The following GRIK2 variants were observed in gnomAD, a reference collection of about 807,000 sequenced individuals.
GRIK2 encodes glutamate receptor ionotropic, kainate 2.
GRIK2 carries 32 observed loss-of-function variants against 100.3 expected under a neutral mutation model. That is an observed-to-expected ratio of 0.32 (90% CI 0.24 to 0.43). The LOEUF (loss-of-function observed/expected upper bound fraction) is 0.43. GRIK2 is among the 20% of genes least tolerant of loss of function. The probability of loss-of-function intolerance (pLI) is 1.00; values close to 1 mark genes in which losing one functional copy is unlikely to be tolerated. For missense variants in GRIK2, 843 were observed against 1,114.9 expected, an observed-to-expected ratio of 0.76 and a Z score of 3.47; for synonymous variants, 417 against 389.4, an observed-to-expected ratio of 1.07 and a Z score of -0.83.
chr6:101,702,231 G>C (rs1772951953), intron 7 of GRIK2, among the ~76,000 whole-genome samples: 1 of 151,870 alleles, frequency 6.6e-6, no homozygotes, highest in Non-Finnish European at 1.5e-5. Flanking sequence ...CTTTATTCTT[G>C]TTTCACTTAA....
chr6:101,904,417 T>G (rs561271933), intron 12 of GRIK2, among the ~76,000 whole-genome samples: 3 of 151,588 alleles, frequency 2.0e-5, no homozygotes, highest in South Asian at 2.1e-4. Context: ...TTTTAATATC[T>G]TCTTTTAAGA....
intron 2 of GRIK2, among the ~76,000 whole-genome samples, chr6:101,443,627 ATAT>A (rs1465412102): frequency 6.6e-6 from 1 of 152,080 alleles, no homozygotes; most frequent in Non-Finnish European, 1.5e-5. Flanking sequence ...GAAATGATTA[ATAT>A]TATTATATAT....
At chr6:101,487,157 A>G (rs1159059541) in intron 2 of GRIK2, among the ~76,000 whole-genome samples, 2 of 146,680 alleles carry the variant, frequency 1.4e-5, no homozygotes, top group African/African-American at 2.6e-5. Context: ...ATGTTTAGTA[A>G]TAAGTAATGC....
chr6:101,537,051 G>T (rs1412116425), intron 2 of GRIK2, among the ~76,000 whole-genome samples: 1 of 151,698 alleles, frequency 6.6e-6, no homozygotes, highest in African/African-American at 2.4e-5. Context: ...GTTTTCTGGA[G>T]TAATGTTTAG....
At chr6:101,830,528 T>C (rs1782610717) in intron 10 of GRIK2, among the ~76,000 whole-genome samples, 1 of 151,492 alleles carries the variant, frequency 6.6e-6, no homozygotes, top group Non-Finnish European at 1.5e-5. Flanking sequence ...AAAGGAAATA[T>C]CCCCATTAAA....
At chr6:101,850,675 A>G (rs1784080586) in intron 10 of GRIK2, among the ~76,000 whole-genome samples, 1 of 152,052 alleles carries the variant, frequency 6.6e-6, no homozygotes, top group African/African-American at 2.4e-5. Flanking sequence ...TCTAATGCAG[A>G]TAAAAATATA....
chr6:101,680,539 T>A (rs534217573), intron 5 of GRIK2, among the ~76,000 whole-genome samples: 5 of 152,110 alleles, frequency 3.3e-5, no homozygotes, highest in Non-Finnish European at 7.4e-5. Context: ...ACTTCTAGGG[T>A]TTTTATGAGG....
At chr6:101,468,799 G>C (rs1417279180) in intron 2 of GRIK2, among the ~76,000 whole-genome samples, 1 of 152,064 alleles carries the variant, frequency 6.6e-6, no homozygotes, top group African/African-American at 2.4e-5. Flanking sequence ...CTAATCAAGA[G>C]AGAAAACTTC....
chr6:101,535,407 A>G (rs1775641195), intron 2 of GRIK2, among the ~76,000 whole-genome samples: 1 of 151,774 alleles, frequency 6.6e-6, no homozygotes, highest in Admixed American at 6.6e-5. Context: ...CTAAGGCATA[A>G]TTCTTTTCCT....
At chr6:101,486,925 T>C (rs1270386000) in intron 2 of GRIK2, among the ~76,000 whole-genome samples, 2 of 147,002 alleles carry the variant, frequency 1.4e-5, no homozygotes, top group African/African-American at 5.2e-5. Context: ...GGTTATAGCA[T>C]ACTAGGCTTT....
At chr6:101,699,082 TG>T (rs1445418958) in intron 7 of GRIK2, among the ~76,000 whole-genome samples, 7 of 152,138 alleles carry the variant, frequency 4.6e-5, no homozygotes, top group African/African-American at 1.2e-4. Flanking sequence ...TCAGCACATA[TG>T]TACTCTATTC....
chr6:101,660,826 C>T lies in GRIK2; in HGVS notation c.542-15797C>T, dbSNP rs189721762. Among the ~76,000 whole-genome samples the T allele has an allele frequency of 9.9e-5, 15 of 152,238 alleles. No individual in the cohort carries two copies. In the East Asian group the frequency reaches 2.3e-3, roughly 24 times the overall value. Reference sequence around the variant, plus strand: ...GGAGGCTGCAGAACAGTAAAGATTGCTGCCAGTTCATTCCTCTGGAAGCTT... The same window carrying T: ...GGAGGCTGCAGAACAGTAAAGATTGTTGCCAGTTCATTCCTCTGGAAGCTT... On this transcript the variant is annotated intron_variant, in intron 4 of 16. Coordinates refer to ENST00000369134, the MANE Select transcript of GRIK2 (RefSeq NM_021956.5).
rs563655171 is a variant in GRIK2 at position 101,468,123 on chromosome 6, C to G, written c.115+68731C>G. Among the ~76,000 whole-genome samples, 10 of 152,202 alleles carry G rather than the reference C, an allele frequency of 6.6e-5. No homozygotes were observed. In the South Asian group the frequency reaches 1.9e-3, roughly 28 times the overall value. On this transcript the variant is annotated intron_variant, in intron 2 of 16. Transcript: ENST00000369134. Reference sequence around the variant, plus strand: ...GAAGAAATCACATCCAGCCAGATGTCTTTTGCCAAGGGACTGCCCAGTGGG... The same window carrying G: ...GAAGAAATCACATCCAGCCAGATGTGTTTTGCCAAGGGACTGCCCAGTGGG...
At chr6:101,912,327 G>A (rs1274986674) in intron 12 of GRIK2, among the ~76,000 whole-genome samples, 1 of 151,394 alleles carries the variant, frequency 6.6e-6, no homozygotes, top group African/African-American at 2.4e-5. Context: ...AACTCTAACA[G>A]ACTCTCTTAA....
intron 2 of GRIK2, among the ~76,000 whole-genome samples, chr6:101,601,168 T>G (rs1005908054): frequency 1.3e-5 from 2 of 151,196 alleles, no homozygotes; most frequent in African/African-American, 4.8e-5. Context: ...TTTTATCAAA[T>G]GCTTTTTCTG....
chr6:101,652,802 G>A (rs539024679), intron 4 of GRIK2, among the ~76,000 whole-genome samples: 1 of 152,240 alleles, frequency 6.6e-6, no homozygotes, highest in South Asian at 2.1e-4. Context: ...GACCCTATTT[G>A]TGATTTCTTT....
intron 2 of GRIK2, among the ~76,000 whole-genome samples, chr6:101,433,603 TC>T (rs1769547178): frequency 2.0e-5 from 3 of 152,138 alleles, no homozygotes; most frequent in Admixed American, 1.3e-4. Flanking sequence ...TTATTTTTTT[TC>T]TTCATTGAAA....
intron 10 of GRIK2, among the ~76,000 whole-genome samples, chr6:101,853,734 C>T (rs1784267136): frequency 6.6e-6 from 1 of 152,154 alleles, no homozygotes; most frequent in Non-Finnish European, 1.5e-5. Context: ...GGTATATTCA[C>T]ACTATGTAAT....
chr6:101,964,588 T>A (rs1303785298), intron 14 of GRIK2, among the ~76,000 whole-genome samples: 1 of 152,140 alleles, frequency 6.6e-6, no homozygotes, highest in Non-Finnish European at 1.5e-5. Context: ...AAGGTGTTTA[T>A]ATTGGAAGAT....
Sources: gnomAD v4.1 joint callset for allele counts (sites outside exome capture counted in the v4.1 genomes callset) on GRCh38, gnomAD v4.1.1 for gene constraint, MANE v1.5 for transcripts, NCBI Gene and HGNC (gene_info 2026-07-23, HGNC 2026-07-21) for gene names.